EYS: variants seen among roughly 807,000 people sequenced by gnomAD.
EYS encodes protein eyes shut homolog.
A neutral mutation model predicts 282.1 loss-of-function variants in EYS; 250 were observed. That is an observed-to-expected ratio of 0.89 (90% CI 0.80 to 0.98). The LOEUF (loss-of-function observed/expected upper bound fraction) is 0.98. EYS is among the 50% of genes least tolerant of loss of function. The probability of loss-of-function intolerance (pLI) is 0.00; values close to 1 mark genes in which losing one functional copy is unlikely to be tolerated. For synonymous variants in EYS, 1,355 were observed against 1,282.9 expected (o/e 1.06, Z -1.20); for missense variants, 4,016 against 3,709.0 (o/e 1.08, Z -2.15).
At chr6:64,394,288 A>G (rs1773277042) in intron 28 of EYS, among the ~76,000 whole-genome samples, 2 of 151,890 alleles carry the variant, frequency 1.3e-5, no homozygotes, top group Non-Finnish European at 2.9e-5. Context: ...CTACTTTAAA[A>G]TTCATATGGA....
intron 2 of EYS, among the ~76,000 whole-genome samples, chr6:65,538,018 C>T (rs1251560152): frequency 3.3e-5 from 5 of 152,156 alleles, no homozygotes; most frequent in Non-Finnish European, 7.4e-5. Context: ...AAGTTACTTA[C>T]ACCTTTCTGT....
At chr6:64,351,884 T>C (rs1462513005) in intron 29 of EYS, among the ~76,000 whole-genome samples, 2 of 151,600 alleles carry the variant, frequency 1.3e-5, no homozygotes, top group South Asian at 2.1e-4. Context: ...ATTATGTGTA[T>C]ACATAGTTAT....
chr6:64,950,798 CATATATATATATATATATATATAT>C (rs1171736217), intron 14 of EYS, among the ~76,000 whole-genome samples: 2 of 54,232 alleles, frequency 3.7e-5, no homozygotes, highest in Non-Finnish European at 6.7e-5. Context: ...TATACATATA[CATATATATATATATATATATATAT>C]ATATATATAT....
At chr6:64,296,931 G>C (rs1359985009) in intron 30 of EYS, among the ~76,000 whole-genome samples, 1 of 152,054 alleles carries the variant, frequency 6.6e-6, no homozygotes, top group Non-Finnish European at 1.5e-5. Flanking sequence ...TAACTATTTT[G>C]AAATAGTGAA....
chr6:64,672,520 C>T lies in EYS; in HGVS notation c.3444-46275G>A, dbSNP rs79413229. On this transcript the variant is annotated intron_variant, in intron 22 of 42. Transcript: ENST00000503581. ...AGGCATAAAAGAAATAGCAGAGAGACATTCACTTTTTATTACTCTCTATGA... is the reference window on the plus strand; with the variant it reads ...AGGCATAAAAGAAATAGCAGAGAGATATTCACTTTTTATTACTCTCTATGA... Among the ~76,000 whole-genome samples the T allele has an allele frequency of 9.8e-3, 1,490 of 152,220 alleles. 26 individuals carry two copies. The highest frequency in any genetic ancestry group is 0.034 in the African/African-American group (1,422 of 41,528).
chr6:64,557,059 A>G (rs7762208), intron 26 of EYS, among the ~76,000 whole-genome samples: 4,614 of 151,974 alleles, frequency 0.03, 155 homozygotes, highest in East Asian at 0.11. Flanking sequence ...AAATAACAAT[A>G]CCTTTTTAAG....
chr6:65,149,450 G>A (rs911002429), intron 12 of EYS, among the ~76,000 whole-genome samples: 1 of 152,104 alleles, frequency 6.6e-6, no homozygotes, highest in African/African-American at 2.4e-5. Flanking sequence ...ATCACTATTA[G>A]CATTTTGGTC....
intron 36 of EYS, among the ~76,000 whole-genome samples, chr6:63,819,935 G>A (rs966342434): frequency 2.0e-5 from 3 of 152,138 alleles, no homozygotes; most frequent in Non-Finnish European, 4.4e-5. Flanking sequence ...TCAGGGGTCC[G>A]GGTTGTTTGT....
chr6:65,198,236 G>A (rs570332019), intron 12 of EYS, among the ~76,000 whole-genome samples: 1 of 152,212 alleles, frequency 6.6e-6, no homozygotes, highest in Admixed American at 6.6e-5. Flanking sequence ...AAGGTGTGCA[G>A]GGGCAGTAAC....
intron 9 of EYS, among the ~76,000 whole-genome samples, chr6:65,352,257 G>A (rs1764310793): frequency 6.6e-6 from 1 of 151,884 alleles, no homozygotes; most frequent in Middle Eastern, 3.2e-3. Flanking sequence ...GTAATACAAT[G>A]TTAGAAATTC....
chr6:65,423,464 C>G (rs543979974), intron 5 of EYS, among the ~76,000 whole-genome samples: 63 of 152,036 alleles, frequency 4.1e-4, no homozygotes, highest in African/African-American at 1.4e-3. Flanking sequence ...GTCAGAATCA[C>G]AGGGTCAGCT....
chr6:64,848,280 T>C (rs1765776778), intron 19 of EYS, among the ~76,000 whole-genome samples: 2 of 148,630 alleles, frequency 1.3e-5, no homozygotes, highest in Non-Finnish European at 1.5e-5. Flanking sequence ...TTAAGAATAA[T>C]ATTATGTTTT....
intron 13 of EYS, among the ~76,000 whole-genome samples, chr6:65,032,027 C>T (rs1245092543): frequency 6.6e-6 from 1 of 151,926 alleles, no homozygotes; most frequent in African/African-American, 2.4e-5. Flanking sequence ...TCAGAAATGA[C>T]AAAAGGGACA....
chr6:64,031,847 C>T (rs896090250), intron 33 of EYS, among the ~76,000 whole-genome samples: 2 of 152,138 alleles, frequency 1.3e-5, no homozygotes, highest in African/African-American at 4.8e-5. Flanking sequence ...GACCACTCGG[C>T]TCTACCAATC....
intron 28 of EYS, among the ~76,000 whole-genome samples, chr6:64,402,575 G>T (rs1230638691): frequency 6.6e-6 from 1 of 152,162 alleles, no homozygotes; most frequent in African/African-American, 2.4e-5. Flanking sequence ...TTTATGTTAG[G>T]ATCAGATCAT....
At chr6:64,391,906 G>T (rs1289140148) in intron 28 of EYS, among the ~76,000 whole-genome samples, 1 of 151,994 alleles carries the variant, frequency 6.6e-6, no homozygotes, top group African/African-American at 2.4e-5. Context: ...ACACACATAG[G>T]CTCAAAATAA....
intron 14 of EYS, among the ~76,000 whole-genome samples, chr6:64,972,822 A>G (rs892815835): frequency 1.3e-5 from 2 of 152,066 alleles, no homozygotes; most frequent in Non-Finnish European, 2.9e-5. Flanking sequence ...TTCAAATGCA[A>G]TTTAACATGT....
At chr6:65,344,788 A>G in intron 9 of EYS, among the ~76,000 whole-genome samples, 1 of 151,702 alleles carries the variant, frequency 6.6e-6, no homozygotes, top group East Asian at 1.9e-4. Context: ...GTAGGGAAAA[A>G]GGAGTTAATT....
intron 14 of EYS, among the ~76,000 whole-genome samples, chr6:64,995,722 C>CCG (rs60329027): frequency 4.7e-5 from 7 of 149,266 alleles, no homozygotes; most frequent in Admixed American, 2.0e-4. Flanking sequence ...GCTTCCCCCC[C>CCG]GCCCCATATT....
Sources: allele counts gnomAD v4.1 joint callset (sites outside exome capture counted in the v4.1 genomes callset), GRCh38; gene constraint gnomAD v4.1.1; transcripts MANE v1.5; gene names NCBI Gene and HGNC (gene_info 2026-07-23, HGNC 2026-07-21).